The following SYT16 variants were observed in gnomAD, a reference collection of about 807,000 sequenced individuals.
SYT16 encodes the protein synaptotagmin 16, also known as synaptotagmin-16.
Under a neutral mutation model 61.4 loss-of-function variants are expected in SYT16, and 42 were observed. The observed-to-expected ratio is 0.68, with a 90% CI of 0.53 to 0.89. The LOEUF is 0.89. SYT16 is among the 40% of genes least tolerant of loss of function. SYT16 has a pLI of 0.00. For missense variants in SYT16, 804 were observed against 807.3 expected (o/e 1.00, Z 0.05); for synonymous variants, 314 against 302.3 (o/e 1.04, Z -0.40).
chr14:62,014,090 G>C lies in SYT16; in HGVS notation c.523+17548G>C, dbSNP rs183700425. Reference sequence around the variant, plus strand: ...CATTCCTTTTCATTCACCTTCCTTTGCCCGTTCCTTAAATATTTGGTTCCC... The same window carrying C: ...CATTCCTTTTCATTCACCTTCCTTTCCCCGTTCCTTAAATATTTGGTTCCC... On this transcript the variant is annotated intron_variant, in intron 3 of 7. Coordinates refer to ENST00000683842, the MANE Select transcript of SYT16 (RefSeq NM_001367656.1). 2.8e-3 allele frequency among the ~76,000 whole-genome samples: 427 copies of C among 151,700 alleles called. 2 individuals are homozygous for C. Among genetic ancestry groups the C allele is most frequent in the Non-Finnish European group, 4.6e-3 (313 of 67,964 alleles).
At chr14:62,074,333 G>A (rs892958326) in intron 4 of SYT16, among the ~76,000 whole-genome samples, 2 of 152,130 alleles carry the variant, frequency 1.3e-5, no homozygotes, top group African/African-American at 4.8e-5. Flanking sequence ...GACACAGGGA[G>A]GGTTTGAGGG....
intron 2 of SYT16, among the ~76,000 whole-genome samples, chr14:61,976,476 T>G (rs536944152): frequency 1.6e-4 from 25 of 152,202 alleles, no homozygotes; most frequent in Non-Finnish European, 3.5e-4. Context: ...TGCCTGGACA[T>G]CCACACATTT....
intron 1 of SYT16, among the ~76,000 whole-genome samples, chr14:61,837,774 A>G (rs1314510255): frequency 6.6e-6 from 1 of 152,154 alleles, no homozygotes; most frequent in Non-Finnish European, 1.5e-5. Flanking sequence ...TGGCGTGCAG[A>G]GTCACCCTGC....
intron 1 of SYT16, among the ~76,000 whole-genome samples, chr14:61,868,983 C>A (rs1003117011): frequency 2.6e-5 from 4 of 152,028 alleles, no homozygotes; most frequent in Non-Finnish European, 5.9e-5. Context: ...TCTGAATAAA[C>A]ATTCAAGATT....
At chr14:62,025,189 G>A (rs112000389) in intron 3 of SYT16, among the ~76,000 whole-genome samples, 9,757 of 152,054 alleles carry the variant, frequency 0.064, 547 homozygotes, top group African/African-American at 0.16. Context: ...TTTGTAAGAG[G>A]CTGCCACACT....
chr14:62,096,201 C>A (rs145992194), intron 7 of SYT16, among the ~76,000 whole-genome samples: 1 of 152,040 alleles, frequency 6.6e-6, no homozygotes, highest in East Asian at 1.9e-4. Context: ...AAAGAAGACA[C>A]CAATAAACCT....
intron 3 of SYT16, 124 bp from the exon 4 acceptor site, chr14:62,069,479 G>A (rs1044074975): frequency 3.1e-5 from 30 of 980,532 alleles, no homozygotes; most frequent in Non-Finnish European, 4.6e-5. Flanking sequence ...TTTCTATCCA[G>A]TTTGAGTGTG....
At chr14:61,843,928 T>C (rs151236859) in intron 1 of SYT16, among the ~76,000 whole-genome samples, 2 of 152,292 alleles carry the variant, frequency 1.3e-5, no homozygotes, top group African/African-American at 4.8e-5. Flanking sequence ...TTTTTTTCTA[T>C]ATATGTGAAG....
chr14:61,971,985 C>G (rs1253802228), intron 2 of SYT16, among the ~76,000 whole-genome samples: 2 of 152,188 alleles, frequency 1.3e-5, no homozygotes, highest in African/African-American at 4.8e-5. Context: ...GATTCTATTT[C>G]TCTCCCTTCA....
intron 1 of SYT16, among the ~76,000 whole-genome samples, chr14:61,953,598 A>T (rs1222929472): frequency 6.6e-6 from 1 of 152,162 alleles, no homozygotes; most frequent in South Asian, 2.1e-4. Context: ...TGTCTCCACC[A>T]TCCTGTTGAA....
chr14:62,083,617 G>A (rs1169024106), intron 6 of SYT16, among the ~76,000 whole-genome samples: 2 of 152,212 alleles, frequency 1.3e-5, no homozygotes, highest in Admixed American at 1.3e-4. Context: ...GTGCTCATTT[G>A]TAATGTAAGT....
intron 1 of SYT16, among the ~76,000 whole-genome samples, chr14:61,833,481 G>A (rs547592518): frequency 7.9e-5 from 12 of 151,508 alleles, no homozygotes; most frequent in Non-Finnish European, 1.5e-4. Context: ...TAGTAGAGAC[G>A]GGGTTTCTCC....
intron 7 of SYT16, among the ~76,000 whole-genome samples, chr14:62,093,633 T>C (rs1297778270): frequency 6.6e-6 from 1 of 152,110 alleles, no homozygotes; most frequent in Admixed American, 6.6e-5. Context: ...TCTGCTAGTG[T>C]AATTTACCAT....
intron 6 of SYT16, among the ~76,000 whole-genome samples, chr14:62,083,012 G>C (rs72718598): frequency 6.6e-6 from 1 of 152,074 alleles, no homozygotes; most frequent in Admixed American, 6.5e-5. Flanking sequence ...GAGCACAGGA[G>C]GGGGAGTGAG....
At chr14:62,064,492 TGAAATAGAGG>T (rs1430598636) in intron 3 of SYT16, among the ~76,000 whole-genome samples, 2 of 152,168 alleles carry the variant, frequency 1.3e-5, no homozygotes, top group South Asian at 4.1e-4. Context: ...TTTTTCTGTG[TGAAATAGAGG>T]GAATAGATGC....
chr14:61,927,710 C>T (rs1370323501), intron 1 of SYT16, among the ~76,000 whole-genome samples: 1 of 152,168 alleles, frequency 6.6e-6, no homozygotes, highest in African/African-American at 2.4e-5. Context: ...GTCTCACACT[C>T]AAGTAAGCAG....
At chr14:61,992,520 T>C (rs1778531638) in intron 2 of SYT16, among the ~76,000 whole-genome samples, 1 of 152,138 alleles carries the variant, frequency 6.6e-6, no homozygotes, top group East Asian at 1.9e-4. Context: ...TCCAGTGTCC[T>C]TTTGTACCTC....
At chr14:61,933,779 T>C (rs1252847907) in intron 1 of SYT16, among the ~76,000 whole-genome samples, 1 of 152,144 alleles carries the variant, frequency 6.6e-6, no homozygotes, top group Non-Finnish European at 1.5e-5. Flanking sequence ...CGTTTGGACA[T>C]TTACAAAATA....
rs113718468 is a variant in SYT16 at position 62,037,223 on chromosome 14, G to A, written c.524-32380G>A. On this transcript the variant is annotated intron_variant, in intron 3 of 7. Transcript: ENST00000683842. ...TTTTTACCCCTTTGGCTTAGTTATG[G>A]CAGGATTCCTGTTCACAAGGTCTTG... is the stretch of plus-strand genomic sequence containing the variant. Among the ~76,000 whole-genome samples, 1,162 of 152,060 alleles carry A rather than the reference G, an allele frequency of 7.6e-3. 9 individuals are homozygous for A. Among genetic ancestry groups the A allele is most frequent in the African/African-American group, 0.027 (1,111 of 41,470 alleles).
Sources: allele counts gnomAD v4.1 joint callset (sites outside exome capture counted in the v4.1 genomes callset), GRCh38; gene constraint gnomAD v4.1.1; transcripts MANE v1.5; gene names NCBI Gene and HGNC (gene_info 2026-07-23, HGNC 2026-07-21).